The following GRID2 variants were observed in gnomAD, a reference collection of about 807,000 sequenced individuals.
GRID2 encodes the protein glutamate receptor ionotropic, delta-2.
Under a neutral mutation model 114.8 loss-of-function variants are expected in GRID2, and 33 were observed. That is an observed-to-expected ratio of 0.29 (90% CI 0.22 to 0.38). The LOEUF (loss-of-function observed/expected upper bound fraction) is 0.38, where lower values mean the gene tolerates loss of function less well. Ranked by LOEUF, GRID2 falls within the 10% of genes least tolerant of loss-of-function variation. The pLI, the probability that GRID2 is intolerant of heterozygous loss-of-function variation, is 1.00. For missense variants in GRID2, 1,184 were observed against 1,257.7 expected (o/e 0.94, Z 0.89); for synonymous variants, 505 against 449.9 (o/e 1.12, Z -1.55).
chr4:93,122,303 A>G (rs10014487), intron 4 of GRID2, among the ~76,000 whole-genome samples: 82,494 of 151,940 alleles, frequency 0.54, 23,827 homozygotes, highest in African/African-American at 0.72. Context: ...TTTATTTTCC[A>G]TATGGTGAAC....
At chr4:92,769,930 AT>A (rs1203320503) in intron 2 of GRID2, among the ~76,000 whole-genome samples, 3 of 152,176 alleles carry the variant, frequency 2.0e-5, no homozygotes, top group Non-Finnish European at 4.4e-5. Context: ...GGAGATTAAC[AT>A]TTGGCTTCTC....
chr4:93,316,374 A>C (rs1337583598), intron 8 of GRID2, among the ~76,000 whole-genome samples: 1 of 117,194 alleles, frequency 8.5e-6, no homozygotes, highest in Admixed American at 8.3e-5. Flanking sequence ...AGAAAAAGAA[A>C]GAAAGAAAGA....
rs10605313 is a variant in GRID2, at chr4:93,145,644, C to CTTTTTTT, written c.735+34716_735+34722dup. ...CAGCTAGTTTTGTATTTCTTTTTTC[C>CTTTTTTT]TTTTTTTTTTTTTTTTTTTTTTTTT... is the stretch of plus-strand genomic sequence containing the variant. On this transcript the variant is annotated intron_variant, in intron 4 of 15. Transcript: ENST00000282020. 1.3e-4 allele frequency among the ~76,000 whole-genome samples: 6 copies of CTTTTTTT among 45,708 alleles called. 1 individual carries two copies. The highest frequency in any genetic ancestry group is 2.1e-4 in the Non-Finnish European group (6 of 28,050). The allele number at this position is 45,708 out of a possible 152,430, so 30.0% of individuals were successfully genotyped here.
chr4:93,681,467 G>C (rs77794989), intron 14 of GRID2, among the ~76,000 whole-genome samples: 1 of 147,910 alleles, frequency 6.8e-6, no homozygotes, highest in Non-Finnish European at 1.5e-5. Context: ...AGCCCGCATT[G>C]CCAAGTCAAT....
intron 2 of GRID2, among the ~76,000 whole-genome samples, chr4:93,064,780 G>A (rs1728130095): frequency 6.6e-6 from 1 of 151,836 alleles, no homozygotes. Context: ...GTTGGTGTCA[G>A]TCTTCTACGT....
intron 2 of GRID2, among the ~76,000 whole-genome samples, chr4:92,646,055 T>C (rs1005951541): frequency 6.6e-6 from 1 of 151,778 alleles, no homozygotes; most frequent in African/African-American, 2.4e-5. Flanking sequence ...TTTAGACTCC[T>C]ACCGGCTTCG....
chr4:93,427,072 G>C lies in GRID2; in HGVS notation c.1545+4104G>C, dbSNP rs914739444. 2.0e-5 allele frequency among the ~76,000 whole-genome samples: 3 copies of C among 152,112 alleles called. No individual in the cohort carries two copies. The South Asian group carries it at 6.2e-4, about 31-fold the overall frequency. ...GAAAGAGCAGTCAACATTAGAAAATGACTATCAAGTTAAGGGTACACAACA... is the reference window on the plus strand; with the variant it reads ...GAAAGAGCAGTCAACATTAGAAAATCACTATCAAGTTAAGGGTACACAACA... On this transcript the variant is annotated intron_variant, in intron 10 of 15. Transcript: ENST00000282020.
At chr4:93,289,349 A>G (rs1753500335) in intron 8 of GRID2, among the ~76,000 whole-genome samples, 1 of 152,212 alleles carries the variant, frequency 6.6e-6, no homozygotes, top group African/African-American at 2.4e-5. Context: ...GACTGGATTC[A>G]GTGCAAAAGC....
intron 12 of GRID2, among the ~76,000 whole-genome samples, chr4:93,507,372 G>A (rs1465722494): frequency 6.6e-6 from 1 of 152,306 alleles, no homozygotes; most frequent in East Asian, 1.9e-4. Context: ...AAATAGGAAG[G>A]TGGAAGGCTT....
intron 3 of GRID2, among the ~76,000 whole-genome samples, chr4:93,106,670 T>A (rs1732267091): frequency 6.6e-6 from 1 of 152,222 alleles, no homozygotes; most frequent in Admixed American, 6.5e-5. Context: ...ATAAAGAGCA[T>A]GGCTCTGAAT....
chr4:92,516,274 A>T (rs901552983), intron 1 of GRID2, among the ~76,000 whole-genome samples: 1 of 151,910 alleles, frequency 6.6e-6, no homozygotes, highest in Non-Finnish European at 1.5e-5. Context: ...TTATAATGTC[A>T]TTCATGTTGT....
Position 92,370,394 on chromosome 4 carries a change from G to A in GRID2, c.88+65650G>A, listed in dbSNP as rs549710710. 8.5e-5 allele frequency among the ~76,000 whole-genome samples: 13 copies of A among 152,246 alleles called. No homozygotes were observed. The East Asian group carries it at 2.3e-3, about 27-fold the overall frequency. On this transcript the variant is annotated intron_variant, in intron 1 of 15. Coordinates refer to ENST00000282020, the MANE Select transcript of GRID2 (RefSeq NM_001510.4). ...TGGCCGGGCACAGTGGCTCAAGCCTGTAATCCCAACACTTTGGGAGGCTGA... is the reference window on the plus strand; with the variant it reads ...TGGCCGGGCACAGTGGCTCAAGCCTATAATCCCAACACTTTGGGAGGCTGA...
chr4:92,405,470 GA>G (rs1475819621), intron 1 of GRID2, among the ~76,000 whole-genome samples: 1 of 151,918 alleles, frequency 6.6e-6, no homozygotes, highest in Admixed American at 6.6e-5. Flanking sequence ...ACATAGAAAA[GA>G]AAAAAGTAAT....
At chr4:93,791,756 G>T (rs1372747126) in intron 1 of GRID2, among the ~76,000 whole-genome samples, 4 of 152,126 alleles carry the variant, frequency 2.6e-5, no homozygotes, top group African/African-American at 9.7e-5. Context: ...AGTACAGACT[G>T]ACTCCCTGCT....
At chr4:93,151,674 C>A (rs962414208) in intron 4 of GRID2, among the ~76,000 whole-genome samples, 7 of 152,022 alleles carry the variant, frequency 4.6e-5, no homozygotes, top group African/African-American at 1.7e-4. Flanking sequence ...ATGAAATATA[C>A]CACTGTTAAA....
At chr4:93,076,607 C>T (rs1254139950) in intron 2 of GRID2, among the ~76,000 whole-genome samples, 2 of 133,188 alleles carry the variant, frequency 1.5e-5, no homozygotes, top group South Asian at 4.9e-4. Context: ...AATTCACCAA[C>T]CTCTTTTTTT....
intron 1 of GRID2, among the ~76,000 whole-genome samples, chr4:92,575,864 G>T (rs1727866144): frequency 6.6e-6 from 1 of 152,218 alleles, no homozygotes; most frequent in African/African-American, 2.4e-5. Context: ...AGAGAAATTA[G>T]AACTGTTGGC....
chr4:92,764,070 C>T (rs1738146898), intron 2 of GRID2, among the ~76,000 whole-genome samples: 1 of 152,142 alleles, frequency 6.6e-6, no homozygotes, highest in Non-Finnish European at 1.5e-5. Flanking sequence ...TCTTTATTCT[C>T]CACCTCATGG....
At chr4:92,980,765 G>A (rs1274082050) in intron 2 of GRID2, among the ~76,000 whole-genome samples, 1 of 151,992 alleles carries the variant, frequency 6.6e-6, no homozygotes, top group African/African-American at 2.4e-5. Flanking sequence ...ATGTAGAAAA[G>A]CATTGAAACT....
Sources: gnomAD v4.1 joint callset for allele counts (sites outside exome capture counted in the v4.1 genomes callset) on GRCh38, gnomAD v4.1.1 for gene constraint, MANE v1.5 for transcripts, NCBI Gene and HGNC (gene_info 2026-07-23, HGNC 2026-07-21) for gene names.